The following BBS9 variants were observed in gnomAD, a reference collection of about 807,000 sequenced individuals.
BBS9 encodes the protein protein PTHB1.
BBS9 carries 89 observed loss-of-function variants against 117.7 expected under a neutral mutation model. That is an observed-to-expected ratio of 0.76 (90% CI 0.64 to 0.90). BBS9 has a LOEUF of 0.90. Among genes scored for constraint, BBS9 ranks in the 40% least tolerant of loss-of-function variants. BBS9 has a pLI of 0.00. For missense variants in BBS9, 982 were observed against 1,042.2 expected (o/e 0.94, Z 0.80); for synonymous variants, 379 against 370.9 (o/e 1.02, Z -0.25).
intron 6 of BBS9, among the ~76,000 whole-genome samples, chr7:33,263,511 T>C (rs1798306948): frequency 6.6e-6 from 1 of 152,164 alleles, no homozygotes; most frequent in Admixed American, 6.5e-5. Context: ...TAATCATTTC[T>C]AGATTGAATA....
chr7:33,594,535 A>C (rs1212525232), intron 21 of BBS9, among the ~76,000 whole-genome samples: 1 of 152,150 alleles, frequency 6.6e-6, no homozygotes, highest in Non-Finnish European at 1.5e-5. Context: ...GACTATATAG[A>C]AAGGCATTTT....
At chr7:33,587,180 TCTCTC>T (rs1192449680) in intron 21 of BBS9, among the ~76,000 whole-genome samples, 3 of 152,232 alleles carry the variant, frequency 2.0e-5, no homozygotes, top group African/African-American at 7.2e-5. Flanking sequence ...CTCAGTATTT[TCTCTC>T]CTGGCCACCA....
At chr7:33,311,793 GGC>G (rs1233373793) in intron 9 of BBS9, among the ~76,000 whole-genome samples, 2 of 150,786 alleles carry the variant, frequency 1.3e-5, no homozygotes, top group Non-Finnish European at 3.0e-5. Flanking sequence ...CTCCAGCCTG[GGC>G]AACAGAGTGA....
At chr7:33,341,038 A>C in intron 11 of BBS9, 65 bp downstream of exon 11, 3 of 1,396,230 alleles carry the variant, frequency 2.1e-6, no homozygotes, top group Non-Finnish European at 3.1e-6. Flanking sequence ...ATTAGGACCA[A>C]AATGCATTGG....
intron 19 of BBS9, among the ~76,000 whole-genome samples, chr7:33,406,119 C>G (rs569146836): frequency 6.6e-6 from 1 of 152,136 alleles, no homozygotes; most frequent in African/African-American, 2.4e-5. Flanking sequence ...CATTCAGGAG[C>G]AGGTTGTTCA....
Position 33,401,047 on chromosome 7 carries a change from T to G in BBS9, c.2115+12903T>G, listed in dbSNP as rs1321743558. On this transcript the variant is annotated intron_variant, in intron 19 of 22. Coordinates refer to ENST00000242067, the MANE Select transcript of BBS9 (RefSeq NM_198428.3). ...CCTGTATTTTTGTTTTTAACTTCCT[T>G]TTTATATGATTTCCATATCTCTTAT... Among the ~76,000 whole-genome samples the G allele has an allele frequency of 3.3e-5, 5 of 152,332 alleles. No homozygotes were observed. The East Asian group carries it at 9.6e-4, about 29-fold the overall frequency.
chr7:33,215,627 A>G (rs1396907300), intron 5 of BBS9, among the ~76,000 whole-genome samples: 3 of 152,208 alleles, frequency 2.0e-5, no homozygotes, highest in Non-Finnish European at 4.4e-5. Flanking sequence ...ACATAGACAC[A>G]CACAGACACA....
intron 1 of BBS9, among the ~76,000 whole-genome samples, chr7:33,137,682 C>T (rs750586446): frequency 6.6e-6 from 1 of 152,158 alleles, no homozygotes. Context: ...ACTGGAGAGA[C>T]GCACTTGGGA....
At chr7:33,185,081 C>G (rs955296508) in intron 5 of BBS9, among the ~76,000 whole-genome samples, 1 of 152,118 alleles carries the variant, frequency 6.6e-6, no homozygotes, top group African/African-American at 2.4e-5. Context: ...TTTTAGCATG[C>G]TAATGCATTA....
intron 21 of BBS9, among the ~76,000 whole-genome samples, chr7:33,571,202 C>A (rs907606125): frequency 2.6e-5 from 4 of 152,090 alleles, no homozygotes; most frequent in African/African-American, 9.7e-5. Context: ...AGAGGAACTA[C>A]AAATATGCTC....
At chr7:33,217,893 A>C (rs1789386428) in intron 5 of BBS9, among the ~76,000 whole-genome samples, 1 of 152,212 alleles carries the variant, frequency 6.6e-6, no homozygotes, top group East Asian at 1.9e-4. Flanking sequence ...TGCATTTTTA[A>C]AAATAAAGCA....
intron 9 of BBS9, among the ~76,000 whole-genome samples, chr7:33,326,561 C>G (rs1202442357): frequency 1.3e-5 from 2 of 152,010 alleles, no homozygotes; most frequent in Non-Finnish European, 1.5e-5. Context: ...ATGAGTCTCC[C>G]CCATGGCCTT....
intron 1 of BBS9, among the ~76,000 whole-genome samples, chr7:33,135,352 G>A (rs537580118): frequency 1.3e-5 from 2 of 152,288 alleles, no homozygotes; most frequent in Non-Finnish European, 2.9e-5. Flanking sequence ...CATATTTTGA[G>A]TTAATTTTAA....
chr7:33,335,024 A>T (rs1052913342), intron 9 of BBS9, among the ~76,000 whole-genome samples: 1 of 152,222 alleles, frequency 6.6e-6, no homozygotes, highest in Non-Finnish European at 1.5e-5. Flanking sequence ...AGAACTGAGC[A>T]ATGGTAGTAT....
chr7:33,315,785 A>C (rs957174286), intron 9 of BBS9, among the ~76,000 whole-genome samples: 9 of 152,106 alleles, frequency 5.9e-5, no homozygotes, highest in African/African-American at 2.2e-4. Context: ...ACATGTATTA[A>C]TTTTATTTGT....
chr7:33,554,040 G>A (rs1035331972), intron 21 of BBS9, among the ~76,000 whole-genome samples: 7 of 152,118 alleles, frequency 4.6e-5, no homozygotes, highest in African/African-American at 1.7e-4. Context: ...CAGGGGAATA[G>A]CATTCCAAGC....
chr7:33,516,349 T>C (rs1847786073), intron 20 of BBS9, among the ~76,000 whole-genome samples: 1 of 150,994 alleles, frequency 6.6e-6, no homozygotes, highest in African/African-American at 2.4e-5. Flanking sequence ...ATTGGCCTGG[T>C]GCGGTGGCAG....
intron 20 of BBS9, among the ~76,000 whole-genome samples, chr7:33,512,815 T>G (rs1215427988): frequency 6.6e-6 from 1 of 152,204 alleles, no homozygotes; most frequent in Non-Finnish European, 1.5e-5. Flanking sequence ...CCGTGTTCAG[T>G]TCATCTCCCT....
chr7:33,550,816 C>G (rs1854302219), intron 21 of BBS9, among the ~76,000 whole-genome samples: 1 of 151,956 alleles, frequency 6.6e-6, no homozygotes. Flanking sequence ...TATGAATATC[C>G]AATTCTAAAA....
Sources: gnomAD v4.1 joint callset for allele counts (sites outside exome capture counted in the v4.1 genomes callset) on GRCh38, gnomAD v4.1.1 for gene constraint, MANE v1.5 for transcripts, NCBI Gene and HGNC (gene_info 2026-07-23, HGNC 2026-07-21) for gene names.